The following PCDHA13 variants were observed in gnomAD, a reference collection of about 807,000 sequenced individuals.
The protein encoded by PCDHA13 is protocadherin alpha 13, also known as protocadherin alpha-13.
Under a neutral mutation model 64.8 loss-of-function variants are expected in PCDHA13, and 54 were observed. The observed-to-expected ratio is 0.83, with a 90% CI of 0.67 to 1.04. The LOEUF is 1.04. Ranked by LOEUF, PCDHA13 falls within the 50% of genes least tolerant of loss-of-function variation. PCDHA13 has a pLI of 0.00. For synonymous variants in PCDHA13, 587 were observed against 564.4 expected (o/e 1.04, Z -0.57); for missense variants, 1,248 against 1,254.3 (o/e 0.99, Z 0.08).
chr5:140,900,446 T>G (rs1344652526), intron 1 of PCDHA13, among the ~76,000 whole-genome samples: 1 of 152,154 alleles, frequency 6.6e-6, no homozygotes, highest in Non-Finnish European at 1.5e-5. Flanking sequence ...GCCGGCTAAT[T>G]TTTTATTTTT....
At chr5:140,898,712 T>C (rs1219344656) in intron 1 of PCDHA13, among the ~76,000 whole-genome samples, 2 of 152,206 alleles carry the variant, frequency 1.3e-5, no homozygotes, top group African/African-American at 4.8e-5. Flanking sequence ...AGTAGTTTTT[T>C]CCAATTCTGT....
In PCDHA13 at chr5:140,883,232, G is replaced by C. The variant is rs782490836; in HGVS notation, c.964G>C (p.Ala322Pro). 3 of 1,613,952 alleles carry C rather than the reference G, an allele frequency of 1.9e-6. No individual in the cohort carries two copies. The Admixed American group carries it at 5.0e-5, about 27-fold the overall frequency. The change falls in exon 1 of 4, where the codon GCA (alanine) becomes CCA (proline). Residue 322 changes from alanine (A) to proline (P), a missense_variant. By Grantham distance (27) the Ala-to-Pro change is conservative. Transcript: ENST00000289272. ...EKKLYEISVE[A>P]VDKGNIPMAG... is the part of the protein sequence containing the mutation. ...GAAATTATATGAAATATCCGTGGAGGCAGTTGACAAAGGAAATATTCCAAT... is the reference window on the plus strand; with the variant it reads ...GAAATTATATGAAATATCCGTGGAGCCAGTTGACAAAGGAAATATTCCAAT...
chr5:140,967,485 C>A lies in PCDHA13; in HGVS notation c.2395-11464C>A, dbSNP rs781948599. 3.7e-6 allele frequency: 6 copies of A among 1,613,056 alleles called. No homozygotes were observed. In the South Asian group the frequency reaches 6.6e-5, roughly 18 times the overall value. On this transcript the variant is annotated intron_variant, in intron 1 of 3. Coordinates refer to ENST00000289272, the MANE Select transcript of PCDHA13 (RefSeq NM_018904.3). ...GGGGGCATCCCAGCCCGCTCGGGTA[C>A]GGCACAGATCTCTGTGCGTGTCCTG...
intron 2 of PCDHA13, 101 bp downstream of exon 2, chr5:140,979,108 A>G: frequency 6.6e-7 from 1 of 1,526,122 alleles, no homozygotes; most frequent in African/African-American, 1.4e-5. Flanking sequence ...AAAACTAAAA[A>G]GCTTTAGGTA....
chr5:140,916,084 C>T (rs1330761804), intron 1 of PCDHA13, among the ~76,000 whole-genome samples: 3 of 152,186 alleles, frequency 2.0e-5, no homozygotes, highest in Non-Finnish European at 4.4e-5. Flanking sequence ...TACCACTGGT[C>T]CACAGGGAAT....
At chr5:140,924,987 TC>T (rs1458982480) in intron 1 of PCDHA13, among the ~76,000 whole-genome samples, 4 of 151,232 alleles carry the variant, frequency 2.6e-5, no homozygotes, top group Admixed American at 6.6e-5. Context: ...ATGTCTGTAA[TC>T]CTAGCACTTT....
intron 1 of PCDHA13, among the ~76,000 whole-genome samples, chr5:140,952,265 G>A (rs1292970434): frequency 6.6e-6 from 1 of 151,556 alleles, no homozygotes; most frequent in African/African-American, 2.4e-5. Context: ...CCCATTCTGG[G>A]GTCTTGAGGG....
At chr5:140,952,479 A>C (rs246034) in intron 1 of PCDHA13, among the ~76,000 whole-genome samples, 85,668 of 152,018 alleles carry the variant, frequency 0.56, 24,767 homozygotes, top group African/African-American at 0.69. Flanking sequence ...GGAAAGTGAC[A>C]TTTGCTCCAG....
intron 3 of PCDHA13, among the ~76,000 whole-genome samples, chr5:141,003,829 A>G (rs1220753607): frequency 1.3e-5 from 2 of 152,184 alleles, no homozygotes; most frequent in Admixed American, 6.5e-5. Flanking sequence ...GGCTCTGCCT[A>G]ACGATTCAGA....
chr5:140,969,385 C>T, intron 1 of PCDHA13: 1 of 1,598,120 alleles, frequency 6.3e-7, no homozygotes, highest in Non-Finnish European at 8.5e-7. Flanking sequence ...TTACACATCC[C>T]CCAATATCCT....
Position 140,882,870 on chromosome 5 carries a change from A to T in PCDHA13, c.602A>T (p.Asp201Val). The T allele has an allele frequency of 6.2e-7, 1 of 1,614,196 alleles. No individual in the cohort carries two copies. Among genetic ancestry groups the T allele is most frequent in the South Asian group, 1.1e-5 (1 of 91,086 alleles). The change falls in exon 1 of 4, where the codon GAC (aspartate) becomes GTC (valine). Residue 201 changes from aspartate (D) to valine (V), a missense_variant. By Grantham distance (152) the Asp-to-Val change is radical (BLOSUM62 -3). Transcript: ENST00000289272. ...SLSLVLRKTL[D>V]REEIQEHSLL... The stretch of plus-strand genomic sequence containing the variant: ...TCACTTGTACTGAGGAAAACACTGG[A>T]CAGAGAGGAAATTCAGGAACATAGT...
Position 140,883,090 on chromosome 5 carries a change from T to A in PCDHA13, c.822T>A (p.Asn274Lys), listed in dbSNP as rs550322124. 1 of 1,614,020 alleles carries A rather than the reference T, an allele frequency of 6.2e-7. No individual in the cohort carries two copies. Among genetic ancestry groups the A allele is most frequent in the East Asian group, 2.2e-5 (1 of 44,894 alleles). Reference sequence around the variant, plus strand: ...CCACAGATCCTGATGATGGTACAAATGGAGATATAGTTTACTCATTTAGAA... The same window carrying A: ...CCACAGATCCTGATGATGGTACAAAAGGAGATATAGTTTACTCATTTAGAA... Reference protein sequence around the residue: ...LNATDPDDGTNGDIVYSFRRP... With the variant: ...LNATDPDDGTKGDIVYSFRRP... Residue 274 changes from asparagine (N) to lysine (K), a missense_variant, in exon 1 of 4, where the codon AAT becomes AAA. Transcript: ENST00000289272.
At chr5:140,949,171 C>T (rs1554218845) in intron 1 of PCDHA13, among the ~76,000 whole-genome samples, 1 of 151,632 alleles carries the variant, frequency 6.6e-6, no homozygotes, top group Non-Finnish European at 1.5e-5. Flanking sequence ...CTCTTTTGGT[C>T]AGAGAACATA....
At chr5:140,946,894 T>C (rs1368559322) in intron 1 of PCDHA13, among the ~76,000 whole-genome samples, 1 of 151,402 alleles carries the variant, frequency 6.6e-6, no homozygotes, top group Non-Finnish European at 1.5e-5. Context: ...TACAATTAGA[T>C]AGGAAGAATA....
At chr5:140,911,620 C>T (rs2075566183) in intron 1 of PCDHA13, among the ~76,000 whole-genome samples, 1 of 152,146 alleles carries the variant, frequency 6.6e-6, no homozygotes, top group Non-Finnish European at 1.5e-5. Context: ...CTTAGTTCCC[C>T]ACATATGGTC....
rs559310344 is a variant in PCDHA13, at chr5:140,882,587, G to A, written c.319G>A (p.Glu107Lys). The part of the protein sequence containing the change: ...GRSAECSIHL[E>K]VIVDRPLQVF... ...GAGCGCGGAGTGCAGCATCCACCTGGAGGTGATCGTGGACAGGCCTCTGCA... is the reference window on the plus strand; with the variant it reads ...GAGCGCGGAGTGCAGCATCCACCTGAAGGTGATCGTGGACAGGCCTCTGCA... Residue 107 changes from glutamate (E) to lysine (K), a missense_variant, in exon 1 of 4, where the codon GAG (glutamate) becomes AAG (lysine). By Grantham distance (56) the Glu-to-Lys change is moderately conservative. Coordinates refer to ENST00000289272, the MANE Select transcript of PCDHA13 (RefSeq NM_018904.3). The A allele has an allele frequency of 6.2e-7, 1 of 1,614,256 alleles. No individual in the cohort carries two copies. The highest frequency in any genetic ancestry group is 2.2e-5 in the East Asian group (1 of 44,886).
At chr5:140,980,437 C>G (rs1586844281) in intron 2 of PCDHA13, among the ~76,000 whole-genome samples, 1 of 152,156 alleles carries the variant, frequency 6.6e-6, no homozygotes, top group Admixed American at 6.5e-5. Flanking sequence ...CGAGACCATC[C>G]TGGACAACAC....
At chr5:140,981,378 A>G (rs1386165836) in intron 2 of PCDHA13, among the ~76,000 whole-genome samples, 3 of 152,186 alleles carry the variant, frequency 2.0e-5, no homozygotes, top group Non-Finnish European at 4.4e-5. Flanking sequence ...GTTCAAGACC[A>G]GCCTGGTCAA....
chr5:141,004,809 C>A (rs1319049687), intron 3 of PCDHA13, among the ~76,000 whole-genome samples: 1 of 152,144 alleles, frequency 6.6e-6, no homozygotes. Context: ...AGCTCAATTG[C>A]AGATTTGATT....
Sources: allele counts gnomAD v4.1 joint callset (sites outside exome capture counted in the v4.1 genomes callset), GRCh38; gene constraint gnomAD v4.1.1; transcripts MANE v1.5; gene names NCBI Gene and HGNC (gene_info 2026-07-23, HGNC 2026-07-21).